ASCC1: variants seen among roughly 807,000 people sequenced by gnomAD.
ASCC1 encodes activating signal cointegrator 1 complex subunit 1.
ASCC1 carries 35 observed loss-of-function variants against 46.6 expected under a neutral mutation model. The ratio of observed to expected loss-of-function variants is 0.75; its 90% CI spans 0.57 to 0.99. ASCC1 has a LOEUF of 0.99. ASCC1 is among the 50% of genes least tolerant of loss of function. The probability of loss-of-function intolerance (pLI) is 0.00; values close to 1 mark genes in which losing one functional copy is unlikely to be tolerated. For missense variants in ASCC1, 376 were observed against 428.7 expected (o/e 0.88, Z 1.09); for synonymous variants, 143 against 146.6 (o/e 0.98, Z 0.18).
At chr10:72,193,194 C>T (rs1854812600) in intron 5 of ASCC1, among the ~76,000 whole-genome samples, 1 of 152,272 alleles carries the variant, frequency 6.6e-6, no homozygotes, top group Non-Finnish European at 1.5e-5. Flanking sequence ...CAAATGTTTA[C>T]AGCAGTTCTA....
chr10:72,132,536 C>T (rs1210902012), intron 8 of ASCC1, among the ~76,000 whole-genome samples: 2 of 152,000 alleles, frequency 1.3e-5, no homozygotes, highest in East Asian at 1.9e-4. Context: ...CATGGGGGAC[C>T]GTCCCATGCA....
chr10:72,206,834 G>C (rs1370958912), intron 3 of ASCC1, among the ~76,000 whole-genome samples: 2 of 152,108 alleles, frequency 1.3e-5, no homozygotes, highest in Non-Finnish European at 2.9e-5. Context: ...CTAGGGGCAG[G>C]GTGCTAAGTG....
chr10:72,188,121 CTTTTTTTT>C (rs1169395541), intron 5 of ASCC1, among the ~76,000 whole-genome samples: 1 of 124,448 alleles, frequency 8.0e-6, no homozygotes, highest in Non-Finnish European at 1.7e-5. Flanking sequence ...AATACTTCTT[CTTTTTTTT>C]TTTTTTTTTT....
At chr10:72,103,081 C>A in intron 9 of ASCC1, 1 of 357,330 alleles carries the variant, frequency 2.8e-6, no homozygotes, top group Non-Finnish European at 5.5e-6. Flanking sequence ...ACACATGTGC[C>A]AGGAATTATC....
At chr10:72,173,883 T>C (rs1851542947) in intron 5 of ASCC1, among the ~76,000 whole-genome samples, 1 of 152,364 alleles carries the variant, frequency 6.6e-6, no homozygotes, top group East Asian at 1.9e-4. Context: ...GAGCTGGAAC[T>C]ATCTTACTCC....
chr10:72,175,229 A>G (rs1037544820), intron 5 of ASCC1, among the ~76,000 whole-genome samples: 1 of 152,248 alleles, frequency 6.6e-6, no homozygotes, highest in Non-Finnish European at 1.5e-5. Flanking sequence ...TTCATCATCT[A>G]TAAAACAGAC....
At chr10:72,142,435 C>T (rs940119154) in intron 7 of ASCC1, among the ~76,000 whole-genome samples, 2 of 150,714 alleles carry the variant, frequency 1.3e-5, no homozygotes, top group Non-Finnish European at 2.9e-5. Flanking sequence ...GGCGTGATCT[C>T]AGCTCACTGC....
chr10:72,146,823 T>C (rs1188333830), intron 7 of ASCC1, among the ~76,000 whole-genome samples: 4 of 152,090 alleles, frequency 2.6e-5, no homozygotes, highest in Non-Finnish European at 5.9e-5. Context: ...AAGGGAATCT[T>C]TGATTTAAAA....
upstream of ASCC1, chr10:72,216,895 G>C (rs766866151): frequency 1.3e-5 from 6 of 456,112 alleles, no homozygotes; most frequent in South Asian, 9.3e-5. Flanking sequence ...CCTCCGGTGG[G>C]CCTGGCAAAC....
intron 5 of ASCC1, chr10:72,190,507 C>T: frequency 6.3e-7 from 1 of 1,579,382 alleles, no homozygotes; most frequent in Non-Finnish European, 8.6e-7. Flanking sequence ...AGTTCCACCA[C>T]ACTATTGGTG....
At chr10:72,135,534 T>A (rs1481379079) in intron 7 of ASCC1, among the ~76,000 whole-genome samples, 1 of 152,070 alleles carries the variant, frequency 6.6e-6, no homozygotes, top group Non-Finnish European at 1.5e-5. Flanking sequence ...GCAGTGAAAC[T>A]AGGAAGAGAG....
intron 9 of ASCC1, among the ~76,000 whole-genome samples, chr10:72,127,733 G>A (rs1271672045): frequency 2.2e-5 from 3 of 135,874 alleles, no homozygotes; most frequent in South Asian, 2.3e-4. Context: ...GCTCACACCT[G>A]TTATTCCAGC....
At chr10:72,212,674 C>A (rs1376781070) in intron 2 of ASCC1, among the ~76,000 whole-genome samples, 1 of 151,956 alleles carries the variant, frequency 6.6e-6, no homozygotes, top group South Asian at 2.1e-4. Context: ...ATGGTGAAAC[C>A]CTGTCTCTAC....
chr10:72,182,704 G>A (rs1852799618), intron 5 of ASCC1, among the ~76,000 whole-genome samples: 1 of 151,984 alleles, frequency 6.6e-6, no homozygotes, highest in Non-Finnish European at 1.5e-5. Flanking sequence ...AGCTGGGTAT[G>A]GTGGCTCACA....
chr10:72,168,397 G>A (rs1303058717), intron 5 of ASCC1, among the ~76,000 whole-genome samples: 1 of 152,102 alleles, frequency 6.6e-6, no homozygotes, highest in Non-Finnish European at 1.5e-5. Context: ...CCATCAAACT[G>A]ACAAAAAATC....
intron 5 of ASCC1, among the ~76,000 whole-genome samples, chr10:72,193,906 C>T (rs1025406560): frequency 6.6e-6 from 1 of 150,584 alleles, no homozygotes; most frequent in Non-Finnish European, 1.5e-5. Context: ...GCGATCTCTG[C>T]TCACCGCAAG....
chr10:72,100,519 G>GTAT lies in ASCC1; in HGVS notation c.958-3070_958-3069insATA, dbSNP rs1841630934. ...TGGGATTACAGGCATGAGCCACCAT[G>GTAT]CCCAGCCTATTATATCTTTATTCTT... On this transcript the variant is annotated intron_variant, in intron 9 of 9. Transcript: ENST00000672957. 7.2e-5 allele frequency among the ~76,000 whole-genome samples: 11 copies of GTAT among 152,178 alleles called. No individual in the cohort carries two copies. The South Asian group carries it at 2.3e-3, about 32-fold the overall frequency.
chr10:72,127,050 C>CA (rs1212691551), intron 9 of ASCC1, among the ~76,000 whole-genome samples: 4 of 151,636 alleles, frequency 2.6e-5, no homozygotes, highest in South Asian at 2.1e-4. Context: ...AGGCATTTGG[C>CA]AAAAAAACTG....
At chr10:72,171,219 C>T (rs1851036309) in intron 5 of ASCC1, among the ~76,000 whole-genome samples, 1 of 152,196 alleles carries the variant, frequency 6.6e-6, no homozygotes, top group Non-Finnish European at 1.5e-5. Context: ...TGGCTTACAA[C>T]AATACGAACT....
Sources: gnomAD v4.1 joint callset for allele counts (sites outside exome capture counted in the v4.1 genomes callset) on GRCh38, gnomAD v4.1.1 for gene constraint, MANE v1.5 for transcripts, NCBI Gene and HGNC (gene_info 2026-07-23, HGNC 2026-07-21) for gene names.